NAALADL2: variants seen among roughly 807,000 people sequenced by gnomAD.
NAALADL2 encodes N-acetylated alpha-linked acidic dipeptidase like 2.
In NAALADL2, 76 loss-of-function variants were observed where a neutral mutation model predicts 87.2. The ratio of observed to expected loss-of-function variants is 0.87; its 90% CI spans 0.72 to 1.05. The LOEUF is 1.05. Among genes scored for constraint, NAALADL2 ranks in the 50% least tolerant of loss-of-function variants. The pLI is 0.00. For synonymous variants in NAALADL2, 354 were observed against 331.0 expected (o/e 1.07, Z -0.75); for missense variants, 1,089 against 945.8 (o/e 1.15, Z -1.99).
intron 2 of NAALADL2, among the ~76,000 whole-genome samples, chr3:174,607,308 A>T (rs1719205016): frequency 6.6e-6 from 1 of 151,992 alleles, no homozygotes; most frequent in Non-Finnish European, 1.5e-5. Flanking sequence ...TCAAATTCAC[A>T]CATAACAATA....
chr3:175,107,145 C>T (rs559453492), intron 2 of NAALADL2, among the ~76,000 whole-genome samples: 1 of 152,032 alleles, frequency 6.6e-6, no homozygotes, highest in African/African-American at 2.4e-5. Flanking sequence ...TTTTATGTAG[C>T]AACTAGGCTA....
At chr3:175,579,565 A>T (rs1169492490) in intron 10 of NAALADL2, among the ~76,000 whole-genome samples, 1 of 152,212 alleles carries the variant, frequency 6.6e-6, no homozygotes, top group Non-Finnish European at 1.5e-5. Context: ...TGGATTTGCC[A>T]AATGTTAGAA....
At position 174,997,086 on chromosome 3, in the gene NAALADL2, C is replaced by T. The variant is rs1747599691; in HGVS notation, c.44-99704C>T. ...TTTTTTTTTAATCCACTCGTTGGTC[C>T]ATGAGCACTTAGATTGGTTTCATAG... On this transcript the variant is annotated intron_variant, in intron 1 of 13. Transcript: ENST00000454872. 2.8e-5 allele frequency among the ~76,000 whole-genome samples: 4 copies of T among 141,508 alleles called. No individual in the cohort carries two copies. The South Asian group carries it at 8.9e-4, about 31-fold the overall frequency. The allele number at this position is 141,508 out of a possible 152,430, so 92.8% of individuals were successfully genotyped here.
chr3:174,454,155 A>T (rs1183135753), intron 1 of NAALADL2, among the ~76,000 whole-genome samples: 1 of 152,188 alleles, frequency 6.6e-6, no homozygotes, highest in Non-Finnish European at 1.5e-5. Flanking sequence ...CAAGGGCATT[A>T]CGTAATGATA....
intron 2 of NAALADL2, among the ~76,000 whole-genome samples, chr3:175,106,408 A>T (rs1015545615): frequency 2.0e-5 from 3 of 152,106 alleles, no homozygotes; most frequent in Admixed American, 2.0e-4. Flanking sequence ...AAATTGATCA[A>T]CTTTAGAGCT....
In NAALADL2 at chr3:175,107,817, G is replaced by A. The variant is rs551243658; in HGVS notation, c.545+10526G>A. 2.0e-5 allele frequency among the ~76,000 whole-genome samples: 3 copies of A among 151,556 alleles called. No individual in the cohort carries two copies. The East Asian group carries it at 5.8e-4, about 29-fold the overall frequency. On this transcript the variant is annotated intron_variant, in intron 2 of 13. Coordinates refer to ENST00000454872, the MANE Select transcript of NAALADL2 (RefSeq NM_207015.3). ...GAAAGCATAGAATTTGAAATTCTAT[G>A]TATCTAACAAATACTTCAAATATAT...
At chr3:175,652,624 G>A (rs867699761) in intron 11 of NAALADL2, among the ~76,000 whole-genome samples, 11 of 151,512 alleles carry the variant, frequency 7.3e-5, no homozygotes, top group Non-Finnish European at 1.3e-4. Context: ...GACTACAGGC[G>A]CCCACCACCG....
intron 4 of NAALADL2, among the ~76,000 whole-genome samples, chr3:175,314,086 A>AG (rs1379865776): frequency 6.6e-6 from 1 of 151,416 alleles, no homozygotes; most frequent in Non-Finnish European, 1.5e-5. Context: ...AAAAAAAAAA[A>AG]AAAAGAAAAG....
chr3:175,668,156 C>T (rs1204151324), intron 11 of NAALADL2, among the ~76,000 whole-genome samples: 1 of 152,080 alleles, frequency 6.6e-6, no homozygotes, highest in African/African-American at 2.4e-5. Context: ...AATAATTACT[C>T]AGAGAAATGG....
intron 2 of NAALADL2, among the ~76,000 whole-genome samples, chr3:174,572,991 A>C (rs951823520): frequency 2.0e-5 from 3 of 152,222 alleles, no homozygotes; most frequent in Non-Finnish European, 4.4e-5. Flanking sequence ...CACACCTAGT[A>C]AAGGCAGAAG....
intron 1 of NAALADL2, among the ~76,000 whole-genome samples, chr3:174,937,036 A>G (rs537473727): frequency 9.9e-5 from 15 of 152,220 alleles, no homozygotes; most frequent in African/African-American, 3.6e-4. Context: ...AGCCAGAGAG[A>G]TAAGATTCAG....
At chr3:175,664,480 C>G (rs533547239) in intron 11 of NAALADL2, among the ~76,000 whole-genome samples, 1 of 152,196 alleles carries the variant, frequency 6.6e-6, no homozygotes, top group South Asian at 2.1e-4. Flanking sequence ...CCATTCTTGA[C>G]TAGTTTTTAA....
At chr3:174,762,167 T>C (rs1406733394) in intron 3 of NAALADL2, among the ~76,000 whole-genome samples, 1 of 150,754 alleles carries the variant, frequency 6.6e-6, no homozygotes, top group African/African-American at 2.4e-5. Context: ...TTTCTTGCTT[T>C]TTTTTCTTTT....
intron 2 of NAALADL2, among the ~76,000 whole-genome samples, chr3:174,594,745 G>A (rs1197714804): frequency 2.0e-5 from 3 of 152,116 alleles, no homozygotes; most frequent in African/African-American, 7.2e-5. Context: ...GCCTAGAGTG[G>A]GGCATAGAAA....
At chr3:175,274,812 G>T (rs1753345648) in intron 4 of NAALADL2, among the ~76,000 whole-genome samples, 1 of 152,150 alleles carries the variant, frequency 6.6e-6, no homozygotes, top group African/African-American at 2.4e-5. Context: ...AAGGGTAGGT[G>T]AACTGGGCCC....
chr3:175,520,996 C>T (rs1732578429), intron 9 of NAALADL2, among the ~76,000 whole-genome samples: 1 of 152,062 alleles, frequency 6.6e-6, no homozygotes, highest in African/African-American at 2.4e-5. Flanking sequence ...GATTGTCTGT[C>T]ATATAAAAGT....
intron 3 of NAALADL2, among the ~76,000 whole-genome samples, chr3:174,782,252 C>G (rs1182568878): frequency 6.6e-6 from 1 of 151,994 alleles, no homozygotes; most frequent in African/African-American, 2.4e-5. Context: ...AAGGTGTTCG[C>G]CCAGTGAAAC....
chr3:175,478,044 T>C (rs776466031), intron 9 of NAALADL2, among the ~76,000 whole-genome samples: 5 of 152,072 alleles, frequency 3.3e-5, no homozygotes, highest in Admixed American at 6.6e-5. Flanking sequence ...CTGTAAGATA[T>C]AACAGTACAA....
intron 1 of NAALADL2, among the ~76,000 whole-genome samples, chr3:174,470,773 G>T (rs2108310156): frequency 6.6e-6 from 1 of 152,170 alleles, no homozygotes; most frequent in Middle Eastern, 3.4e-3. Flanking sequence ...AAGACCAGTT[G>T]GTTGTAGGTG....
Sources: gnomAD v4.1 joint callset for allele counts (sites outside exome capture counted in the v4.1 genomes callset) on GRCh38, gnomAD v4.1.1 for gene constraint, MANE v1.5 for transcripts, NCBI Gene and HGNC (gene_info 2026-07-23, HGNC 2026-07-21) for gene names.